Variants in DLG2 observed in about 807,000 individuals in gnomAD.
The protein encoded by DLG2 is discs large MAGUK scaffold protein 2, also known as disks large homolog 2.
A neutral mutation model predicts 132.5 loss-of-function variants in DLG2; 45 were observed. That is an observed-to-expected ratio of 0.34 (90% CI 0.27 to 0.44). The LOEUF is 0.44. DLG2 is among the 20% of genes least tolerant of loss of function. DLG2 has a pLI of 1.00. For synonymous variants in DLG2, 424 were observed against 419.6 expected (o/e 1.01, Z -0.13); for missense variants, 1,045 against 1,196.9 (o/e 0.87, Z 1.87).
At chr11:84,314,471 TC>T (rs1049250410) in intron 7 of DLG2, among the ~76,000 whole-genome samples, 21 of 152,250 alleles carry the variant, frequency 1.4e-4, no homozygotes, top group African/African-American at 5.1e-4. Flanking sequence ...TACTAACACA[TC>T]TCTATATAAT....
chr11:84,287,767 C>CACAT (rs556131582), intron 7 of DLG2, among the ~76,000 whole-genome samples: 87 of 151,406 alleles, frequency 5.7e-4, no homozygotes, highest in African/African-American at 2.0e-3. Flanking sequence ...CACACACACA[C>CACAT]ACACACACAC....
intron 5 of DLG2, among the ~76,000 whole-genome samples, chr11:85,152,397 C>T (rs897802952): frequency 2.6e-5 from 4 of 152,072 alleles, no homozygotes; most frequent in African/African-American, 9.7e-5. Flanking sequence ...CACACCACCA[C>T]ACTTGGCTAA....
chr11:84,190,534 A>G (rs994890754), intron 8 of DLG2, among the ~76,000 whole-genome samples: 3 of 152,216 alleles, frequency 2.0e-5, no homozygotes, highest in African/African-American at 7.2e-5. Flanking sequence ...TATGTAAGTC[A>G]TGTTGCATAC....
chr11:84,183,781 T>C (rs1478400969), intron 8 of DLG2, among the ~76,000 whole-genome samples: 2 of 152,160 alleles, frequency 1.3e-5, no homozygotes, highest in Non-Finnish European at 2.9e-5. Context: ...TGTGTCCATG[T>C]GTTCTCATTG....
chr11:85,157,354 G>C (rs553605799), intron 4 of DLG2, among the ~76,000 whole-genome samples: 1 of 152,240 alleles, frequency 6.6e-6, no homozygotes, highest in East Asian at 1.9e-4. Context: ...GGAGTTGGCT[G>C]CTTAACATGA....
intron 7 of DLG2, among the ~76,000 whole-genome samples, chr11:84,405,967 A>G (rs1032028006): frequency 3.3e-5 from 5 of 152,132 alleles, no homozygotes; most frequent in Non-Finnish European, 5.9e-5. Context: ...CATCTCTGCC[A>G]TCTCTTGCCA....
At chr11:84,946,668 C>A (rs1413013173) in intron 6 of DLG2, among the ~76,000 whole-genome samples, 3 of 152,098 alleles carry the variant, frequency 2.0e-5, no homozygotes, top group East Asian at 3.9e-4. Flanking sequence ...TTTGCTTATG[C>A]TGTCTGTGGT....
At chr11:85,000,949 C>T (rs183593789) in intron 6 of DLG2, among the ~76,000 whole-genome samples, 11 of 152,240 alleles carry the variant, frequency 7.2e-5, no homozygotes, top group African/African-American at 2.6e-4. Context: ...CTACTATTAG[C>T]TGTCTGGAAC....
chr11:84,934,084 G>C (rs1018616042), intron 6 of DLG2, among the ~76,000 whole-genome samples: 1 of 152,050 alleles, frequency 6.6e-6, no homozygotes, highest in African/African-American at 2.4e-5. Flanking sequence ...AACATGAATG[G>C]ATGTTGAATT....
intron 6 of DLG2, among the ~76,000 whole-genome samples, chr11:84,831,062 T>TA (rs1051774605): frequency 5.5e-5 from 8 of 144,806 alleles, no homozygotes; most frequent in East Asian, 2.1e-4. Flanking sequence ...ACAGATCTCC[T>TA]AAAAAAAACT....
chr11:83,937,005 C>A (rs902852571), intron 14 of DLG2, among the ~76,000 whole-genome samples: 1 of 152,104 alleles, frequency 6.6e-6, no homozygotes, highest in Non-Finnish European at 1.5e-5. Context: ...TCAATATGTC[C>A]TATACTAGTG....
At chr11:85,225,908 T>C (rs1276680228) in intron 4 of DLG2, among the ~76,000 whole-genome samples, 1 of 152,136 alleles carries the variant, frequency 6.6e-6, no homozygotes. Context: ...ATGTCCAATA[T>C]TGAGCTCATC....
At chr11:85,603,359 C>T (rs2080296160) in intron 2 of DLG2, among the ~76,000 whole-genome samples, 1 of 152,102 alleles carries the variant, frequency 6.6e-6, no homozygotes, top group African/African-American at 2.4e-5. Flanking sequence ...AGGTGATCAA[C>T]AATACAATAA....
At chr11:85,290,187 A>G (rs977091992) in intron 3 of DLG2, among the ~76,000 whole-genome samples, 2 of 152,140 alleles carry the variant, frequency 1.3e-5, no homozygotes, top group African/African-American at 4.8e-5. Context: ...AACCCTGCAT[A>G]TTGTTTAGAT....
chr11:83,529,958 T>G (rs781156958), intron 21 of DLG2, among the ~76,000 whole-genome samples: 7 of 152,130 alleles, frequency 4.6e-5, no homozygotes, highest in Non-Finnish European at 7.4e-5. Flanking sequence ...GGCCTCTCAC[T>G]GATGTTAGGA....
Position 84,251,291 on chromosome 11 carries a change from C to T in DLG2, c.520G>A (p.Ala174Thr). 1 of 1,576,664 alleles carries T rather than the reference C, an allele frequency of 6.3e-7. No homozygotes were observed. The highest frequency in any genetic ancestry group is 1.8e-4 in the Middle Eastern group (1 of 5,644). The change falls in exon 8 of 28, where the codon GCC (alanine) becomes ACC (threonine). Residue 174 changes from alanine (A) to threonine (T), a missense_variant and splice_region_variant. By Grantham distance (58) the Ala-to-Thr change is moderately conservative. Coordinates refer to ENST00000376104, the MANE Select transcript of DLG2 (RefSeq NM_001142699.3). ...TTGACAATTATAGGAGCAGGACTGG[C>T]CTGAAAAAAGAAATAGAAAAAAAAT... ...VLQSHISPLK[A>T]SPAPIIVNTD...
chr11:85,262,625 C>A (rs2077001409), intron 4 of DLG2, among the ~76,000 whole-genome samples: 1 of 152,108 alleles, frequency 6.6e-6, no homozygotes, highest in East Asian at 1.9e-4. Context: ...GGACTCAGAT[C>A]TTAGTTATAG....
intron 9 of DLG2, among the ~76,000 whole-genome samples, chr11:84,107,890 C>A (rs1405041364): frequency 6.6e-6 from 1 of 152,048 alleles, no homozygotes; most frequent in African/African-American, 2.4e-5. Context: ...AAGAGAGAGA[C>A]ACTTAGGGAT....
intron 5 of DLG2, among the ~76,000 whole-genome samples, chr11:85,122,835 T>TAC (rs1293045469): frequency 1.3e-4 from 20 of 148,448 alleles, no homozygotes; most frequent in Admixed American, 6.1e-4. Flanking sequence ...TATATATATA[T>TAC]ACACACACAC....
Sources: allele counts gnomAD v4.1 joint callset (sites outside exome capture counted in the v4.1 genomes callset), GRCh38; gene constraint gnomAD v4.1.1; transcripts MANE v1.5; gene names NCBI Gene and HGNC (gene_info 2026-07-23, HGNC 2026-07-21).